The following HIVEP3 variants were observed in gnomAD, a reference collection of about 807,000 sequenced individuals.
The protein encoded by HIVEP3 is HIVEP zinc finger 3, also known as transcription factor HIVEP3.
Under a neutral mutation model 152.8 loss-of-function variants are expected in HIVEP3, and 49 were observed. The observed-to-expected ratio is 0.32, with a 90% CI of 0.26 to 0.41. The LOEUF (loss-of-function observed/expected upper bound fraction) is 0.41. HIVEP3 is among the 10% of genes least tolerant of loss of function. The pLI, the probability that HIVEP3 is intolerant of heterozygous loss-of-function variation, is 1.00. For synonymous variants in HIVEP3, 1,269 were observed against 1,289.0 expected (o/e 0.98, Z 0.33); for missense variants, 2,790 against 3,103.3 (o/e 0.90, Z 2.40).
At chr1:41,636,499 A>G (rs193100908) in intron 2 of HIVEP3, among the ~76,000 whole-genome samples, 1 of 152,344 alleles carries the variant, frequency 6.6e-6, no homozygotes, top group Non-Finnish European at 1.5e-5. Flanking sequence ...ATAAAACAAA[A>G]AACCCCAGTT....
intron 1 of HIVEP3, among the ~76,000 whole-genome samples, chr1:41,868,140 C>T (rs115699127): frequency 0.013 from 1,936 of 152,142 alleles, 35 homozygotes; most frequent in African/African-American, 0.044. Flanking sequence ...CTCCTTCCTA[C>T]CCTGCTTTTC....
intron 1 of HIVEP3, among the ~76,000 whole-genome samples, chr1:41,755,842 C>A (rs915611062): frequency 5.9e-5 from 9 of 152,070 alleles, no homozygotes; most frequent in African/African-American, 1.7e-4. Flanking sequence ...GGAAAGAATG[C>A]GGAGAAATTG....
At chr1:41,975,954 C>T (rs1401016404) in intron 1 of HIVEP3, among the ~76,000 whole-genome samples, 1 of 152,194 alleles carries the variant, frequency 6.6e-6, no homozygotes, top group African/African-American at 2.4e-5. Flanking sequence ...GAACACCCAG[C>T]CAGCACTTCC....
Position 41,581,579 on chromosome 1 carries a change from C to G in HIVEP3, c.3219G>C (p.Gln1073His). 6.2e-7 allele frequency: 1 copy of G among 1,612,794 alleles called. No individual in the cohort carries two copies. Among genetic ancestry groups the G allele is most frequent in the Non-Finnish European group, 8.5e-7 (1 of 1,179,462 alleles). Reference protein sequence around the residue: ...PKGRQESEEPQPSSSKPSAKS... With the variant: ...PKGRQESEEPHPSSSKPSAKS... Reference sequence around the variant, plus strand: ...TGGCAGAGGGTTTACTGGATGAGGGCTGTGGTTCTTCGCTCTCCTGTCTTC... The same window carrying G: ...TGGCAGAGGGTTTACTGGATGAGGGGTGTGGTTCTTCGCTCTCCTGTCTTC... The change falls in exon 4 of 9, where the codon CAG becomes CAC. Residue 1073 changes from glutamine (Q) to histidine (H), a missense_variant. Coordinates refer to ENST00000372583, the MANE Select transcript of HIVEP3 (RefSeq NM_024503.5). This position sits in a 1 kb window ranked among gnomAD's most constrained non-coding sequence, Gnocchi z 4.5.
At chr1:41,619,315 C>T (rs1645013369) in intron 3 of HIVEP3, among the ~76,000 whole-genome samples, 1 of 152,230 alleles carries the variant, frequency 6.6e-6, no homozygotes, top group Admixed American at 6.5e-5. Context: ...CTGCCAGCCC[C>T]GTGCCCCCTA....
At chr1:41,833,152 C>G (rs917086526) in intron 1 of HIVEP3, among the ~76,000 whole-genome samples, 4 of 152,188 alleles carry the variant, frequency 2.6e-5, no homozygotes, top group Admixed American at 2.0e-4. Context: ...TATCAGGGCC[C>G]CCAAAGCCAA....
At chr1:42,032,535 G>A (rs530761371) in intron 1 of HIVEP3, among the ~76,000 whole-genome samples, 13 of 152,088 alleles carry the variant, frequency 8.5e-5, no homozygotes, top group Non-Finnish European at 1.5e-4. Context: ...CATTAGCCAC[G>A]GTCTACGATA....
At chr1:41,576,287 A>T (rs560128171) in intron 4 of HIVEP3, among the ~76,000 whole-genome samples, 3 of 152,316 alleles carry the variant, frequency 2.0e-5, no homozygotes, top group Admixed American at 2.0e-4. Context: ...GACGTCCCCA[A>T]TTCCACCATA....
chr1:41,805,584 C>T (rs7536657), intron 1 of HIVEP3, among the ~76,000 whole-genome samples: 5,024 of 152,256 alleles, frequency 0.033, 275 homozygotes, highest in African/African-American at 0.12. Context: ...AATGACACCA[C>T]CTCTTAGGGT....
At chr1:41,879,622 C>A (rs992895265) in intron 1 of HIVEP3, among the ~76,000 whole-genome samples, 1 of 152,328 alleles carries the variant, frequency 6.6e-6, no homozygotes, top group Admixed American at 6.5e-5. Context: ...CTTCATCTCC[C>A]TGCCTCCAGC....
intron 5 of HIVEP3, among the ~76,000 whole-genome samples, chr1:41,544,820 T>TACCACCACC (rs1166032740): frequency 4.1e-5 from 1 of 24,532 alleles, no homozygotes; most frequent in East Asian, 1.1e-3. Context: ...CTACCACCTC[T>TACCACCACC]ACCACCACCA....
chr1:41,635,816 G>C lies in HIVEP3; in HGVS notation c.-720-6869C>G, dbSNP rs77300170. Among the ~76,000 whole-genome samples the C allele has an allele frequency of 6.4e-3, 979 of 151,804 alleles. 15 individuals are homozygous for C. The highest frequency in any genetic ancestry group is 0.022 in the African/African-American group (924 of 41,466). On this transcript the variant is annotated intron_variant, in intron 2 of 8. Transcript: ENST00000372583. ...CGTGAACATTTTGAAAAATCAAAGA[G>C]AATTTGATACATAACTGTGTCAATG...
At chr1:41,668,056 G>T (rs1645822837) in intron 2 of HIVEP3, among the ~76,000 whole-genome samples, 2 of 152,182 alleles carry the variant, frequency 1.3e-5, no homozygotes, top group African/African-American at 4.8e-5. Flanking sequence ...AGGGAGAGAA[G>T]AATTCTGAGA....
At chr1:41,639,792 G>C (rs552831280) in intron 2 of HIVEP3, among the ~76,000 whole-genome samples, 4 of 152,310 alleles carry the variant, frequency 2.6e-5, no homozygotes, top group Non-Finnish European at 5.9e-5. Context: ...GTCCCCAGCT[G>C]TGTTCTCCAG....
intron 1 of HIVEP3, among the ~76,000 whole-genome samples, chr1:41,879,783 C>T (rs1644232307): frequency 3.3e-5 from 5 of 152,206 alleles, no homozygotes; most frequent in African/African-American, 4.8e-5. Context: ...CTCTTCTATA[C>T]CTTGCATTGC....
chr1:41,632,808 C>A (rs1308043415), intron 2 of HIVEP3, among the ~76,000 whole-genome samples: 1 of 151,928 alleles, frequency 6.6e-6, no homozygotes, highest in Non-Finnish European at 1.5e-5. Flanking sequence ...AGAGGACCCC[C>A]AAATGGCCAG....
chr1:41,975,414 C>T (rs1357099903), intron 1 of HIVEP3, among the ~76,000 whole-genome samples: 1 of 152,182 alleles, frequency 6.6e-6, no homozygotes, highest in Non-Finnish European at 1.5e-5. Context: ...GGAATGCCCA[C>T]CACAATGTTT....
chr1:41,751,873 C>T (rs1647169535), intron 1 of HIVEP3, among the ~76,000 whole-genome samples: 1 of 152,164 alleles, frequency 6.6e-6, no homozygotes, highest in Non-Finnish European at 1.5e-5. Context: ...AAGTGGGGGC[C>T]CCAAGAGAGG....
intron 1 of HIVEP3, among the ~76,000 whole-genome samples, chr1:41,993,475 G>T (rs1303458829): frequency 6.6e-6 from 1 of 151,564 alleles, no homozygotes. Flanking sequence ...AGTTAGAATG[G>T]CAATCATTAA....
Sources: gnomAD v4.1 joint callset for allele counts (sites outside exome capture counted in the v4.1 genomes callset) on GRCh38, gnomAD v4.1.1 for gene constraint, Gnocchi (gnomAD v3.1) non-coding constraint, MANE v1.5 for transcripts, NCBI Gene and HGNC (gene_info 2026-07-23, HGNC 2026-07-21) for gene names.